Variants in KDM1B observed in about 807,000 individuals in gnomAD.
KDM1B encodes the protein lysine demethylase 1B, also known as lysine-specific histone demethylase 2.
KDM1B carries 63 observed loss-of-function variants against 107.4 expected under a neutral mutation model. The ratio of observed to expected loss-of-function variants is 0.59; its 90% CI spans 0.48 to 0.72. The LOEUF (loss-of-function observed/expected upper bound fraction) is 0.72. KDM1B is among the 30% of genes least tolerant of loss of function. KDM1B has a pLI of 0.00. For missense variants in KDM1B, 749 were observed against 1,020.8 expected, an observed-to-expected ratio of 0.73 and a Z score of 3.63; for synonymous variants, 363 against 363.9, an observed-to-expected ratio of 1.00 and a Z score of 0.03.
At chr6:18,173,872 G>A (rs1375657546) in intron 7 of KDM1B, among the ~76,000 whole-genome samples, 2 of 151,936 alleles carry the variant, frequency 1.3e-5, no homozygotes, top group South Asian at 2.1e-4. Context: ...TGCAACCTCC[G>A]CCTCCCGGGT....
At chr6:18,196,353 G>T (rs1308581305) in intron 10 of KDM1B, among the ~76,000 whole-genome samples, 1 of 152,154 alleles carries the variant, frequency 6.6e-6, no homozygotes, top group Admixed American at 6.5e-5. Flanking sequence ...AGTGGGGGTT[G>T]CTGGATCGTA....
At position 18,223,315 on chromosome 6, in the gene KDM1B, A is replaced by AT. The variant is rs1192020102; in HGVS notation, c.*1326dup. 1 of 151,906 alleles carries AT rather than the reference A, an allele frequency of 6.6e-6. No individual in the cohort carries two copies. Among genetic ancestry groups the AT allele is most frequent in the African/African-American group, 2.4e-5 (1 of 41,332 alleles). 9.4% of individuals were successfully genotyped at this position (151,906 alleles called of 1,614,324 possible). A position where few individuals can be genotyped will look rare whatever the true frequency, so the allele number is the denominator to read the frequency against. On this transcript the variant is annotated 3_prime_UTR_variant, in exon 22 of 22. Coordinates refer to ENST00000650836, the MANE Select transcript of KDM1B (RefSeq NM_001364614.2). ...CAAGAATGTGCAGTGAACCTCAGGC[A>AT]TTTAAGACACCTCCCCCACCGCCCG...
At chr6:18,218,114 A>G (rs1325017978) in intron 21 of KDM1B, among the ~76,000 whole-genome samples, 1 of 151,752 alleles carries the variant, frequency 6.6e-6, no homozygotes, top group African/African-American at 2.4e-5. Context: ...TTATATTGCC[A>G]TCTCTCTTTC....
intron 6 of KDM1B, among the ~76,000 whole-genome samples, chr6:18,167,870 C>T (rs1236339931): frequency 6.6e-6 from 1 of 152,084 alleles, no homozygotes; most frequent in Non-Finnish European, 1.5e-5. Context: ...TCAAGTGATC[C>T]TCCCACCTCA....
At position 18,188,214 on chromosome 6, in the gene KDM1B, G is replaced by A. The variant is rs147776606; in HGVS notation, c.784+212G>A. 4.3e-4 allele frequency among the ~76,000 whole-genome samples: 66 copies of A among 152,192 alleles called. No homozygotes were observed. The East Asian group carries it at 7.9e-3, about 18-fold the overall frequency. On this transcript the variant is annotated intron_variant, in intron 9 of 21. Transcript: ENST00000650836. ...GGTCTGGGCAACATAGCGAGATCTCGTCTCTAAAAATAAATAAATAGATAA... is the reference window on the plus strand; with the variant it reads ...GGTCTGGGCAACATAGCGAGATCTCATCTCTAAAAATAAATAAATAGATAA...
rs1355798410 is a variant in KDM1B, at chr6:18,212,534, A to C, written c.1913A>C (p.Gln638Pro). 6.2e-7 allele frequency: 1 copy of C among 1,614,170 alleles called. No individual in the cohort carries two copies. Among genetic ancestry groups the C allele is most frequent in the African/African-American group, 1.3e-5 (1 of 75,066 alleles). ...PLALLQKGAIQFNPPLSEKKM... is the reference protein window; with the variant it reads ...PLALLQKGAIPFNPPLSEKKM... ...GCTTTACTACAGAAAGGTGCCATTC[A>C]GTTTAATCCACCGTTGTCAGAGAAG... The change falls in exon 18 of 22, where the codon CAG (glutamine) becomes CCG (proline). Residue 638 changes from glutamine (Q) to proline (P), a missense_variant. Physicochemically the swap from Gln to Pro is moderately conservative, Grantham distance 76 (BLOSUM62 -1). Coordinates refer to ENST00000650836, the MANE Select transcript of KDM1B (RefSeq NM_001364614.2). The surrounding 1 kb of genome is among the most constrained non-coding windows in gnomAD (Gnocchi z 5.2).
chr6:18,200,675 T>A lies in KDM1B; in HGVS notation c.1359+99T>A. 8 of 1,073,464 alleles carry A rather than the reference T, an allele frequency of 7.5e-6. No individual in the cohort carries two copies. Among genetic ancestry groups the A allele is most frequent in the Non-Finnish European group, 1.1e-5 (8 of 761,504 alleles). The allele number at this position is 1,073,464 out of a possible 1,614,324, so 66.5% of individuals were successfully genotyped here. ...ATATGCTTCTAAAGTAAATTACATA[T>A]AACAGCCCCCTCATCTCCTATGCAA... On this transcript the variant is annotated intron_variant, in intron 13 of 21. Coordinates refer to ENST00000650836, the MANE Select transcript of KDM1B (RefSeq NM_001364614.2). The surrounding 1 kb of genome is among the most constrained non-coding windows in gnomAD (Gnocchi z 4.3).
chr6:18,218,314 G>T (rs1467029169), intron 21 of KDM1B, among the ~76,000 whole-genome samples: 2 of 151,914 alleles, frequency 1.3e-5, no homozygotes, highest in African/African-American at 4.8e-5. Flanking sequence ...TGTAGAGACG[G>T]GGTCCGCAGT....
At chr6:18,195,109 C>G (rs1384376814) in intron 10 of KDM1B, among the ~76,000 whole-genome samples, 1 of 152,154 alleles carries the variant, frequency 6.6e-6, no homozygotes, top group East Asian at 1.9e-4. Context: ...CATGTTGTAG[C>G]ACGTCAGAAC....
chr6:18,189,273 G>C (rs1179710013), intron 9 of KDM1B, among the ~76,000 whole-genome samples: 1 of 152,072 alleles, frequency 6.6e-6, no homozygotes, highest in African/African-American at 2.4e-5. Flanking sequence ...CTGGAATATA[G>C]ATGTGGTGGA....
At chr6:18,160,885 T>C (rs1334709728) in intron 3 of KDM1B, among the ~76,000 whole-genome samples, 2 of 146,712 alleles carry the variant, frequency 1.4e-5, no homozygotes, top group Non-Finnish European at 3.0e-5. Context: ...TGGAGTACAG[T>C]GACACAATCG....
At chr6:18,182,238 C>T (rs764122477) in intron 7 of KDM1B, among the ~76,000 whole-genome samples, 3 of 152,120 alleles carry the variant, frequency 2.0e-5, no homozygotes, top group Non-Finnish European at 4.4e-5. Flanking sequence ...TTCCCCCAAC[C>T]CCAGTCACCC....
rs1189273841 is a variant in KDM1B at position 18,186,764 on chromosome 6, CA to C, written c.573+957del. The stretch of plus-strand genomic sequence containing the variant: ...GATGGCTGGAAGGAGAAGTGTCAAG[CA>C]AAGGGGGAAAAGCCCCTTGTAAAAC... On this transcript the variant is annotated intron_variant, in intron 8 of 21. Coordinates refer to ENST00000650836, the MANE Select transcript of KDM1B (RefSeq NM_001364614.2). This position sits in a 1 kb window ranked among gnomAD's most constrained non-coding sequence, Gnocchi z 5.6. Among the ~76,000 whole-genome samples the C allele has an allele frequency of 6.6e-6, 1 of 151,988 alleles. No individual in the cohort carries two copies. Among genetic ancestry groups the C allele is most frequent in the Non-Finnish European group, 1.5e-5 (1 of 68,002 alleles).
chr6:18,189,710 T>C (rs113124563), intron 9 of KDM1B, among the ~76,000 whole-genome samples: 260 of 152,330 alleles, frequency 1.7e-3, no homozygotes, highest in African/African-American at 6.1e-3. Flanking sequence ...ATATCTATTA[T>C]GTGAATATTC....
At chr6:18,207,312 T>C (rs1788448602) in intron 15 of KDM1B, 86 bp from the exon 16 acceptor site, 22 of 1,503,794 alleles carry the variant, frequency 1.5e-5, no homozygotes, top group Non-Finnish European at 1.9e-5. Flanking sequence ...TTGGTGGCTG[T>C]TCCCACCTGG....
In KDM1B at chr6:18,222,969, T is replaced by C. The variant is rs917611374; in HGVS notation, c.*977T>C. On this transcript the variant is annotated 3_prime_UTR_variant, in exon 22 of 22. Transcript: ENST00000650836. ...ATGTGAGCTCTCCTGGTAAATAGTA[T>C]ACATTTTATAAGCTATATTTTAAAG... 23 of 152,752 alleles carry C rather than the reference T, an allele frequency of 1.5e-4. No individual in the cohort carries two copies. The highest frequency in any genetic ancestry group is 5.5e-4 in the African/African-American group (23 of 41,568). 9.5% of individuals were successfully genotyped at this position (152,752 alleles called of 1,614,324 possible). A position where few individuals can be genotyped will look rare whatever the true frequency, so the allele number is the denominator to read the frequency against.
chr6:18,189,639 A>G (rs1787141830), intron 9 of KDM1B, among the ~76,000 whole-genome samples: 1 of 152,240 alleles, frequency 6.6e-6, no homozygotes, highest in Non-Finnish European at 1.5e-5. Flanking sequence ...TATTGTACAC[A>G]TTAAAAAGCA....
At position 18,201,578 on chromosome 6, in the gene KDM1B, T is replaced by A. The variant is rs1788035768; in HGVS notation, c.1452T>A (p.Asp484Glu). 2 of 1,550,254 alleles carry A rather than the reference T, an allele frequency of 1.3e-6. No individual in the cohort carries two copies. The change falls in exon 14 of 22, where the codon GAT (aspartate) becomes GAA (glutamate). Residue 484 changes from aspartate to glutamate, a missense_variant. By Grantham distance (45) the Asp-to-Glu change is conservative (BLOSUM62 2). Coordinates refer to ENST00000650836, the MANE Select transcript of KDM1B (RefSeq NM_001364614.2). This position sits in a 1 kb window ranked among gnomAD's most constrained non-coding sequence, Gnocchi z 4.3. ...ACCCCACTATTGACAAGCGCATGGATTTTCATTTTAATGCTCTCTTGGATG... is the reference window on the plus strand; with the variant it reads ...ACCCCACTATTGACAAGCGCATGGAATTTCATTTTAATGCTCTCTTGGATG... ...ITDPTIDKRM[D>E]FHFNALLDVV...
intron 2 of KDM1B, 113 bp downstream of exon 2, chr6:18,156,039 CAG>C (rs1361693114): frequency 6.6e-6 from 1 of 152,216 alleles, no homozygotes; most frequent in Non-Finnish European, 1.5e-5. Flanking sequence ...TGGGGACTGT[CAG>C]AGCCGCGGGA....
Sources: gnomAD v4.1 joint callset for allele counts (sites outside exome capture counted in the v4.1 genomes callset) on GRCh38, gnomAD v4.1.1 for gene constraint, Gnocchi (gnomAD v3.1) non-coding constraint, MANE v1.5 for transcripts, NCBI Gene and HGNC (gene_info 2026-07-23, HGNC 2026-07-21) for gene names.